Variants in TENM3 observed in about 807,000 individuals in gnomAD.
TENM3 encodes the protein teneurin-3.
Under a neutral mutation model 255.1 loss-of-function variants are expected in TENM3, and 63 were observed. That is an observed-to-expected ratio of 0.25 (90% confidence interval 0.20 to 0.30). TENM3 has a LOEUF of 0.30. Ranked by LOEUF, TENM3 falls within the 10% of genes least tolerant of loss-of-function variation. The probability of loss-of-function intolerance (pLI) is 1.00; values close to 1 mark genes in which losing one functional copy is unlikely to be tolerated. For missense variants in TENM3, 2,929 were observed against 3,461.1 expected, an observed-to-expected ratio of 0.85 and a Z score of 3.86; for synonymous variants, 1,306 against 1,322.3, an observed-to-expected ratio of 0.99 and a Z score of 0.27.
At chr4:181,544,623 G>A in the TENM3 span, among the ~76,000 whole-genome samples, 2 of 151,918 alleles carry the variant, frequency 1.3e-5, no homozygotes, top group African/African-American at 4.8e-5. Context: ...TTCTAGCAAC[G>A]CATTAGCAAG....
chr4:181,546,426 G>T, the TENM3 span, among the ~76,000 whole-genome samples: 97 of 152,230 alleles, frequency 6.4e-4, no homozygotes, highest in African/African-American at 2.1e-3. Context: ...TACAGAAATG[G>T]CACCTGAGGC....
chr4:181,991,822 T>G, the TENM3 span, among the ~76,000 whole-genome samples: 1 of 152,108 alleles, frequency 6.6e-6, no homozygotes, highest in Admixed American at 6.6e-5. Context: ...GTTCCAGAGA[T>G]TTCAACCCCA....
the TENM3 span, among the ~76,000 whole-genome samples, chr4:182,076,432 G>A: frequency 6.6e-6 from 1 of 151,958 alleles, no homozygotes; most frequent in African/African-American, 2.4e-5. Context: ...TCGATCACTT[G>A]ACCTCGTGAT....
chr4:181,945,137 G>A, the TENM3 span, among the ~76,000 whole-genome samples: 3 of 152,028 alleles, frequency 2.0e-5, no homozygotes, highest in Non-Finnish European at 4.4e-5. Context: ...AATGTGAATG[G>A]CTTGTTTCAA....
intron 9 of TENM3, 79 bp from the exon 10 acceptor site, chr4:182,680,464 G>A: frequency 1.3e-6 from 2 of 1,534,248 alleles, no homozygotes; most frequent in Non-Finnish European, 1.8e-6. Flanking sequence ...CATATTGCTT[G>A]TTCCAGCGAT....
At chr4:181,569,828 C>G in the TENM3 span, among the ~76,000 whole-genome samples, 2 of 152,178 alleles carry the variant, frequency 1.3e-5, no homozygotes, top group African/African-American at 4.8e-5. Flanking sequence ...TCAGGACTGA[C>G]ATTTGTGTAT....
chr4:182,690,212 G>A (rs145348485), intron 12 of TENM3, among the ~76,000 whole-genome samples: 29 of 152,290 alleles, frequency 1.9e-4, no homozygotes, highest in African/African-American at 5.5e-4. Flanking sequence ...GGAGCTTCCC[G>A]CCTGAAATCA....
rs749247648 is a variant in TENM3 at position 182,738,398 on chromosome 4, C to T, written c.3236-3C>T. 1.3e-6 allele frequency: 2 copies of T among 1,595,968 alleles called. No individual in the cohort carries two copies. Among genetic ancestry groups the T allele is most frequent in the South Asian group, 2.3e-5 (2 of 87,554 alleles). Reference sequence around the variant, plus strand: ...GATGAGCTGTGATTTGTTTGGATTCCAGTGTCAGTTGGATATGAGTATGAG... The same window carrying T: ...GATGAGCTGTGATTTGTTTGGATTCTAGTGTCAGTTGGATATGAGTATGAG... On this transcript the variant is annotated splice_region_variant and splice_polypyrimidine_tract_variant and intron_variant, in intron 17 of 27. Coordinates refer to ENST00000511685, the MANE Select transcript of TENM3 (RefSeq NM_001080477.4).
At chr4:182,787,735 CAAA>C (rs33998093) in intron 24 of TENM3, among the ~76,000 whole-genome samples, 3,720 of 41,296 alleles carry the variant, frequency 0.09, 141 homozygotes, top group African/African-American at 0.21. Context: ...AACTCCACCT[CAAA>C]AAAAAAAAAA....
chr4:181,466,532 A>G, the TENM3 span, among the ~76,000 whole-genome samples: 3 of 152,150 alleles, frequency 2.0e-5, no homozygotes, highest in East Asian at 1.9e-4. Flanking sequence ...ATTTATTCCT[A>G]TAGAATCCAT....
chr4:181,730,452 G>C, the TENM3 span, among the ~76,000 whole-genome samples: 3 of 152,342 alleles, frequency 2.0e-5, no homozygotes, highest in African/African-American at 7.2e-5. Context: ...TACCCTGCCA[G>C]CTGGCCTCCA....
chr4:181,455,800 A>G, the TENM3 span, among the ~76,000 whole-genome samples: 4 of 151,990 alleles, frequency 2.6e-5, no homozygotes, highest in Non-Finnish European at 5.9e-5. Flanking sequence ...AGTGGATTCA[A>G]CTTTTTCTAT....
intron 3 of TENM3, among the ~76,000 whole-genome samples, chr4:182,369,355 A>AAAGCCAGC (rs1766644981): frequency 6.6e-6 from 1 of 152,232 alleles, no homozygotes; most frequent in Non-Finnish European, 1.5e-5. Flanking sequence ...ACTGAGTGAC[A>AAAGCCAGC]AAGCCAGCAG....
intron 3 of TENM3, among the ~76,000 whole-genome samples, chr4:182,493,142 C>G (rs1345618455): frequency 6.6e-6 from 1 of 152,134 alleles, no homozygotes; most frequent in Non-Finnish European, 1.5e-5. Flanking sequence ...TATCAACTTT[C>G]TACTCTTGTG....
At chr4:182,146,546 G>T (rs1749980724) in intron 1 of TENM3, among the ~76,000 whole-genome samples, 1 of 151,454 alleles carries the variant, frequency 6.6e-6, no homozygotes, top group African/African-American at 2.4e-5. Context: ...TTTCTTACAC[G>T]AATTTTATTA....
intron 1 of TENM3, among the ~76,000 whole-genome samples, chr4:182,306,684 T>C (rs879797510): frequency 1.6e-4 from 25 of 152,200 alleles, no homozygotes; most frequent in Non-Finnish European, 1.5e-5. Flanking sequence ...AATAACATAA[T>C]GGTAGATTGT....
the TENM3 span, among the ~76,000 whole-genome samples, chr4:181,703,063 A>G: frequency 6.6e-6 from 1 of 152,214 alleles, no homozygotes; most frequent in Non-Finnish European, 1.5e-5. Flanking sequence ...ACAGGGGCAG[A>G]GGGCTTCAGT....
chr4:182,050,188 T>C, the TENM3 span, among the ~76,000 whole-genome samples: 1 of 151,994 alleles, frequency 6.6e-6, no homozygotes, highest in Non-Finnish European at 1.5e-5. Flanking sequence ...AGATGGGGTT[T>C]TGCCGTGTTG....
At chr4:182,252,333 C>G (rs1758074564) in intron 1 of TENM3, among the ~76,000 whole-genome samples, 1 of 152,094 alleles carries the variant, frequency 6.6e-6, no homozygotes, top group Admixed American at 6.6e-5. Context: ...CTTTTAAGAC[C>G]TCTAAAATCT....
Sources: allele counts gnomAD v4.1 joint callset (sites outside exome capture counted in the v4.1 genomes callset), GRCh38; gene constraint gnomAD v4.1.1; transcripts MANE v1.5; gene names NCBI Gene and HGNC (gene_info 2026-07-23, HGNC 2026-07-21).